The following CREG2 variants were observed in gnomAD, a reference collection of about 807,000 sequenced individuals.
CREG2 encodes the protein cellular repressor of E1A stimulated genes 2.
A neutral mutation model predicts 26.2 loss-of-function variants in CREG2; 24 were observed. The ratio of observed to expected loss-of-function variants is 0.92; its 90% confidence interval spans 0.66 to 1.29. CREG2 has a LOEUF of 1.29. CREG2 is among the 50% of genes most tolerant of loss of function. CREG2 has a pLI of 0.00. For synonymous variants in CREG2, 174 were observed against 169.2 expected, an observed-to-expected ratio of 1.03 and a Z score of -0.22; for missense variants, 366 against 398.6, an observed-to-expected ratio of 0.92 and a Z score of 0.70.
chr2:101,386,452 T>C (rs1056698049), intron 1 of CREG2, among the ~76,000 whole-genome samples: 2 of 152,218 alleles, frequency 1.3e-5, no homozygotes, highest in African/African-American at 4.8e-5. Context: ...CAATTAAAAG[T>C]GCAGCGAATA....
chr2:101,351,122 A>G (rs1230159456), intron 3 of CREG2, 52 bp from the exon 4 acceptor site: 3 of 1,574,820 alleles, frequency 1.9e-6, no homozygotes, highest in Admixed American at 1.8e-5. Context: ...AGAGAGGTGC[A>G]CCCTGGGCCA....
intron 2 of CREG2, among the ~76,000 whole-genome samples, chr2:101,366,839 T>G (rs1293098470): frequency 1.3e-5 from 2 of 151,954 alleles, no homozygotes; most frequent in East Asian, 3.9e-4. Flanking sequence ...ATAAGAATAA[T>G]AATAATACAA....
At chr2:101,355,694 C>T (rs1292034499) in intron 2 of CREG2, among the ~76,000 whole-genome samples, 2 of 136,906 alleles carry the variant, frequency 1.5e-5, no homozygotes, top group African/African-American at 2.8e-5. Context: ...GAGGGACTTG[C>T]GACAGTGGGG....
rs373422910 is a variant in CREG2, at chr2:101,383,580, G to A, written c.564C>T (p.Asn188=). The A allele has an allele frequency of 1.4e-5, 22 of 1,614,050 alleles. No individual in the cohort carries two copies. In the South Asian group the frequency reaches 2.0e-4, roughly 14 times the overall value. ...KDPVVADLMK[N]PMASLMLPES... is the part of the protein sequence containing the mutation. ...CTGGCAGCATCAGCGAGGCCATGGG[G>A]TTCTTCATCAGATCAGCCACCACGG... Residue 188 remains asparagine, a synonymous_variant, in exon 2 of 4, where the codon AAC becomes AAT. Transcript: ENST00000324768.
intron 2 of CREG2, among the ~76,000 whole-genome samples, chr2:101,365,546 A>G (rs1200146429): frequency 6.6e-6 from 1 of 152,110 alleles, no homozygotes; most frequent in South Asian, 2.1e-4. Flanking sequence ...ACTTCTTCCT[A>G]TTCTTAGGGC....
At chr2:101,368,288 A>C (rs1326123629) in intron 2 of CREG2, among the ~76,000 whole-genome samples, 1 of 136,604 alleles carries the variant, frequency 7.3e-6, no homozygotes, top group Non-Finnish European at 1.6e-5. Flanking sequence ...ACTCCATCTC[A>C]AAAAAAAAAA....
Position 101,387,457 on chromosome 2 carries a change from T to TCTTG in CREG2, c.-4_-1dup. 1 of 1,144,174 alleles carries TCTTG rather than the reference T, an allele frequency of 8.7e-7. No individual in the cohort carries two copies. The highest frequency in any genetic ancestry group is 1.1e-6 in the Non-Finnish European group (1 of 910,094). The allele number at this position is 1,144,174 out of a possible 1,614,324, so 70.9% of individuals were successfully genotyped here. A position where few individuals can be genotyped will look rare whatever the true frequency, so the allele number is the denominator to read the frequency against. On this transcript the variant is annotated 5_prime_UTR_variant, in exon 1 of 4. Transcript: ENST00000324768. The surrounding 1 kb of genome is among the most constrained non-coding windows in gnomAD (Gnocchi z 4.7). Reference sequence around the variant, plus strand: ...GGCCGCCGGCCGCGGCGCACGGACATCTTGCAGGCAGCACGCCCGGCCGCC... The same window carrying TCTTG: ...GGCCGCCGGCCGCGGCGCACGGACATCTTGCTTGCAGGCAGCACGCCCGGCCGCC...
chr2:101,363,141 C>T (rs529385395), intron 2 of CREG2, among the ~76,000 whole-genome samples: 4 of 152,312 alleles, frequency 2.6e-5, no homozygotes, highest in African/African-American at 9.6e-5. Flanking sequence ...TCTAGGGAGT[C>T]AAGGGATCAA....
At position 101,387,395 on chromosome 2, in the gene CREG2, G is replaced by A; in HGVS notation, c.63C>T (p.Cys21=). 1 of 1,286,636 alleles carries A rather than the reference G, an allele frequency of 7.8e-7. No homozygotes were observed. Among genetic ancestry groups the A allele is most frequent in the Non-Finnish European group, 1.0e-6 (1 of 993,366 alleles). The allele number at this position is 1,286,636 out of a possible 1,614,324, so 79.7% of individuals were successfully genotyped here. ...RPGTRLSWLL[C]CSALLSPAAG... is the part of the protein sequence containing the mutation. ...CGGCCGGGGACAGCAGGGCGCTGCA[G>A]CACAGCAGCCAGGAGAGGCGGGTCC... Residue 21 remains cysteine (C), a synonymous_variant, in exon 1 of 4, where the codon TGC becomes TGT. Transcript: ENST00000324768. The surrounding 1 kb of genome is among the most constrained non-coding windows in gnomAD (Gnocchi z 4.7).
chr2:101,357,408 G>T (rs1255585208), intron 2 of CREG2, among the ~76,000 whole-genome samples: 1 of 152,166 alleles, frequency 6.6e-6, no homozygotes, highest in Non-Finnish European at 1.5e-5. Context: ...AAGAGAATCT[G>T]ATTCTCCAAA....
intron 3 of CREG2, among the ~76,000 whole-genome samples, chr2:101,354,602 G>A (rs182194109): frequency 5.3e-5 from 8 of 152,186 alleles, no homozygotes; most frequent in African/African-American, 1.4e-4. Flanking sequence ...CACTTCCGGC[G>A]GTCCCTGCAT....
intron 2 of CREG2, among the ~76,000 whole-genome samples, chr2:101,365,941 A>G (rs1435431383): frequency 6.6e-6 from 1 of 152,208 alleles, no homozygotes; most frequent in African/African-American, 2.4e-5. Context: ...TTGTTCATTC[A>G]TCCACAGTTT....
At chr2:101,371,116 A>T (rs1684699644) in intron 2 of CREG2, among the ~76,000 whole-genome samples, 1 of 152,170 alleles carries the variant, frequency 6.6e-6, no homozygotes, top group Non-Finnish European at 1.5e-5. Context: ...GATGTCAAGA[A>T]TAGACCCATG....
At chr2:101,369,738 T>C (rs2104478629) in intron 2 of CREG2, among the ~76,000 whole-genome samples, 1 of 152,188 alleles carries the variant, frequency 6.6e-6, no homozygotes, top group South Asian at 2.1e-4. Context: ...TCCGTGACGG[T>C]GTTTAGCATG....
intron 2 of CREG2, among the ~76,000 whole-genome samples, chr2:101,378,433 A>G (rs537748629): frequency 2.6e-5 from 4 of 152,354 alleles, no homozygotes; most frequent in African/African-American, 9.6e-5. Context: ...GTCCAGGCCA[A>G]TAATACGTCC....
At chr2:101,362,648 C>T (rs114361419) in intron 2 of CREG2, among the ~76,000 whole-genome samples, 1,862 of 152,296 alleles carry the variant, frequency 0.012, 28 homozygotes, top group African/African-American at 0.043. Flanking sequence ...TTACTTATTT[C>T]ATTTGTGTTT....
At position 101,383,657 on chromosome 2, in the gene CREG2, G is replaced by C. The variant is rs572785251; in HGVS notation, c.487C>G (p.Pro163Ala). 1.2e-5 allele frequency: 19 copies of C among 1,613,072 alleles called. 1 individual carries two copies. The South Asian group carries it at 2.1e-4, about 18-fold the overall frequency. The change falls in exon 2 of 4, where the codon CCC (proline) becomes GCC (alanine). Residue 163 changes from proline (P) to alanine (A), a missense_variant. Physicochemically the swap from Pro to Ala is conservative, Grantham distance 27. Transcript: ENST00000324768. ...FGNCLPVSDG[P>A]FNNSTGIPFF... ...GGAATCCCAGTGCTATTGTTGAAGG[G>C]GCCATCACTGACGGGCAGGCAGTTC...
chr2:101,368,786 C>T (rs1363313024), intron 2 of CREG2, among the ~76,000 whole-genome samples: 2 of 152,154 alleles, frequency 1.3e-5, no homozygotes, highest in Non-Finnish European at 2.9e-5. Context: ...GCCCCTTGCC[C>T]CAAGTGAGGG....
At position 101,360,950 on chromosome 2, in the gene CREG2, A is replaced by G. The variant is rs368105302; in HGVS notation, c.612-5584T>C. On this transcript the variant is annotated intron_variant, in intron 2 of 3. Transcript: ENST00000324768. ...AATTGTAAGAAGAAACTGAATTCACATATATGAAAAATATTTAGAATTTGT... is the reference window on the plus strand; with the variant it reads ...AATTGTAAGAAGAAACTGAATTCACGTATATGAAAAATATTTAGAATTTGT... 7.2e-5 allele frequency among the ~76,000 whole-genome samples: 11 copies of G among 152,342 alleles called. No homozygotes were observed. In the East Asian group the frequency reaches 1.3e-3, roughly 19 times the overall value.
Sources: allele counts gnomAD v4.1 joint callset (sites outside exome capture counted in the v4.1 genomes callset), GRCh38; gene constraint gnomAD v4.1.1; non-coding constraint Gnocchi (gnomAD v3.1); transcripts MANE v1.5; gene names NCBI Gene and HGNC (gene_info 2026-07-23, HGNC 2026-07-21).